ZNF878: variants seen among roughly 807,000 people sequenced by gnomAD.
The protein encoded by ZNF878 is zinc finger protein 878.
Under a neutral mutation model 11.1 loss-of-function variants are expected in ZNF878, and 10 were observed. The ratio of observed to expected loss-of-function variants is 0.90; its 90% CI spans 0.56 to 1.53. The LOEUF (loss-of-function observed/expected upper bound fraction) is 1.53, where lower values mean the gene tolerates loss of function less well. Among genes scored for constraint, ZNF878 ranks in the 40% most tolerant of loss-of-function variants. ZNF878 has a pLI of 0.00. For missense variants in ZNF878, 548 were observed against 626.1 expected (o/e 0.88, Z 1.33); for synonymous variants, 165 against 209.7 (o/e 0.79, Z 1.84).
intron 3 of ZNF878, 27 bp from the exon 4 acceptor site, chr19:12,045,236 T>G: frequency 2.0e-6 from 3 of 1,524,844 alleles, no homozygotes; most frequent in Non-Finnish European, 2.7e-6. Flanking sequence ...CACATTATAA[T>G]GGGTTTATCA....
At chr19:12,046,307 CT>C in intron 3 of ZNF878, 60 bp downstream of exon 3, 2 of 1,264,000 alleles carry the variant, frequency 1.6e-6, no homozygotes, top group Non-Finnish European at 2.2e-6. Flanking sequence ...TCTTTTTAAC[CT>C]TTTCTTCCAT....
chr19:12,052,828 C>T lies in ZNF878; in HGVS notation c.-27G>A, dbSNP rs1246928993. ...TCCTGGCTTCCAGGTATTCTGGCGT[C>T]CTCTCTAAAGGTCCCGTGAACAGTG... On this transcript the variant is annotated 5_prime_UTR_variant, in exon 1 of 4. Transcript: ENST00000547628. The T allele has an allele frequency of 6.5e-7, 1 of 1,535,978 alleles. No homozygotes were observed. Among genetic ancestry groups the T allele is most frequent in the Non-Finnish European group, 8.7e-7 (1 of 1,146,740 alleles).
At chr19:12,051,888 A>G (rs1002497854) in intron 1 of ZNF878, among the ~76,000 whole-genome samples, 3 of 152,164 alleles carry the variant, frequency 2.0e-5, no homozygotes, top group African/African-American at 7.2e-5. Flanking sequence ...GCCTGGGGCG[A>G]CGGAGCGAGA....
chr19:12,044,499 T>C lies in ZNF878; in HGVS notation c.902A>G (p.His301Arg), dbSNP rs1425677883. Residue 301 changes from histidine (H) to arginine (R), a missense_variant, in exon 4 of 4, where the codon CAT becomes CGT. His to Arg is a conservative substitution (Grantham distance 29, BLOSUM62 0). Around this residue, in one of 3 missense-constraint regions of ZNF878, gnomAD observed 335 missense variants for 358.2 expected, o/e 0.94. Transcript: ENST00000547628. ...AFRSVKYLRV[H>R]ERKHTGEKPY... ...TTTCTCTCCAGTGTGTTTTCTTTCATGTACTCGCAGGTACTTGACAGATCT... is the reference window on the plus strand; with the variant it reads ...TTTCTCTCCAGTGTGTTTTCTTTCACGTACTCGCAGGTACTTGACAGATCT... The C allele has an allele frequency of 6.2e-7, 1 of 1,613,820 alleles. No individual in the cohort carries two copies. Among genetic ancestry groups the C allele is most frequent in the African/African-American group, 1.3e-5 (1 of 74,868 alleles).
chr19:12,049,442 C>T (rs1396602367), intron 1 of ZNF878, among the ~76,000 whole-genome samples: 4 of 115,572 alleles, frequency 3.5e-5, no homozygotes, highest in East Asian at 2.4e-4. Context: ...GCCTGAGCGA[C>T]AGAGCGAGAC....
chr19:12,047,599 T>C (rs1374550505), intron 1 of ZNF878, among the ~76,000 whole-genome samples: 1 of 149,538 alleles, frequency 6.7e-6, no homozygotes, highest in Non-Finnish European at 1.5e-5. Context: ...GATAAGAGAG[T>C]CATAACTAAC....
chr19:12,052,715 G>C, intron 1 of ZNF878, 84 bp downstream of exon 1: 1 of 1,511,524 alleles, frequency 6.6e-7, no homozygotes, highest in Non-Finnish European at 8.9e-7. Flanking sequence ...CTGCAGGGGG[G>C]CCCGGGCCCC....
At chr19:12,052,438 CCCCACAG>C (rs1274082092) in intron 1 of ZNF878, among the ~76,000 whole-genome samples, 1 of 152,204 alleles carries the variant, frequency 6.6e-6, no homozygotes, top group Admixed American at 6.5e-5. Context: ...GAACTGGGGA[CCCCACAG>C]CCCACAGCTC....
chr19:12,048,319 C>T (rs1366206199), intron 1 of ZNF878, among the ~76,000 whole-genome samples: 1 of 149,660 alleles, frequency 6.7e-6, no homozygotes, highest in African/African-American at 2.5e-5. Flanking sequence ...GAGATTGAGA[C>T]CATCCTGGCT....
At chr19:12,047,784 C>A (rs1975509312) in intron 1 of ZNF878, among the ~76,000 whole-genome samples, 1 of 152,044 alleles carries the variant, frequency 6.6e-6, no homozygotes. Flanking sequence ...ATGATGAAAC[C>A]CTGTCTCTAC....
intron 1 of ZNF878, among the ~76,000 whole-genome samples, chr19:12,051,095 C>CAAA (rs370628123): frequency 5.4e-5 from 2 of 37,166 alleles, no homozygotes; most frequent in African/African-American, 1.0e-4. Flanking sequence ...GACTCCGTCT[C>CAAA]AAAAAAAAAA....
chr19:12,052,745 G>C (rs1975563659), intron 1 of ZNF878, 54 bp downstream of exon 1: 1 of 1,533,458 alleles, frequency 6.5e-7, no homozygotes, highest in African/African-American at 1.4e-5. Context: ...GGTTCCTCTC[G>C]GTTCCACCCA....
rs574738413 is a variant in ZNF878, at chr19:12,044,021, G to T, written c.1380C>A (p.Phe460Leu). ...PYECKQCGKA[F>L]ISSNSIRYHK... ...GATAGCGAATAGAATTAGAAGAAAT[G>T]AAGGCTTTTCCACATTGCTTACACT... is the stretch of plus-strand genomic sequence containing the variant. Residue 460 changes from phenylalanine to leucine, a missense_variant, in exon 4 of 4, where the codon TTC (phenylalanine) becomes TTA (leucine). Phe to Leu is a conservative substitution (Grantham distance 22). Around this residue, in one of 3 missense-constraint regions of ZNF878, gnomAD observed 335 missense variants for 358.2 expected, o/e 0.94. Coordinates refer to ENST00000547628, the MANE Select transcript of ZNF878 (RefSeq NM_001080404.3). 157 of 1,610,442 alleles carry T rather than the reference G, an allele frequency of 9.7e-5. No homozygotes were observed. The South Asian group carries it at 1.7e-3, about 17-fold the overall frequency.
intron 1 of ZNF878, among the ~76,000 whole-genome samples, chr19:12,047,239 G>A (rs774426290): frequency 4.3e-4 from 65 of 152,118 alleles, no homozygotes; most frequent in Non-Finnish European, 8.2e-4. Flanking sequence ...AAAAAACTGG[G>A]TTTGGCAAGG....
rs779537829 is a variant in ZNF878 at position 12,045,143 on chromosome 19, C to G, written c.258G>C (p.Gln86His). The change falls in exon 4 of 4, where the codon CAG becomes CAC. Residue 86 changes from glutamine to histidine, a missense_variant. Physicochemically the swap from Gln to His is conservative, Grantham distance 24. This residue lies in a region of ZNF878 where 160 missense variants were observed against 173.3 expected (regional missense o/e 0.92). Transcript: ENST00000547628. ...TCTTCTTCAGTGTGTCATCTGGAAC[C>G]TGTGTCAAAACTTCTCCATGCTGAT... Reference protein sequence around the residue: ...ESHQHGEVLTQVPDDTLKKKT... With the variant: ...ESHQHGEVLTHVPDDTLKKKT... The G allele has an allele frequency of 1.1e-5, 17 of 1,612,944 alleles. No individual in the cohort carries two copies. In the East Asian group the frequency reaches 3.8e-4, roughly 36 times the overall value.
rs752042236 is a variant in ZNF878 at position 12,044,411 on chromosome 19, T to C, written c.990A>G (p.Glu330=). 4 of 1,613,782 alleles carry C rather than the reference T, an allele frequency of 2.5e-6. No individual in the cohort carries two copies. In the South Asian group the frequency reaches 3.3e-5, roughly 13 times the overall value. The change falls in exon 4 of 4, where the codon GAA becomes GAG. Residue 330 remains glutamate, a synonymous_variant. Transcript: ENST00000547628. ...FISSTSFRYH[E]KTHTGEKPYE... is the part of the protein sequence containing the mutation. ...AAGGTTTCTCTCCAGTGTGAGTCTT[T>C]TCATGATAGCGAAAGGAAGTGGAAG...
rs1354508765 is a variant in ZNF878, at chr19:12,052,955, T to C, written c.-154A>G. 4.5e-6 allele frequency: 6 copies of C among 1,338,564 alleles called. No homozygotes were observed. Among genetic ancestry groups the C allele is most frequent in the Non-Finnish European group, 5.1e-6 (5 of 989,432 alleles). The allele number at this position is 1,338,564 out of a possible 1,614,324, so 82.9% of individuals were successfully genotyped here. The stretch of plus-strand genomic sequence containing the variant: ...AGACCTTAACTAGCGCGAGCAGCCC[T>C]AGGAGTGAAGAGAGCGGGAATGCAA... On this transcript the variant is annotated 5_prime_UTR_variant, in exon 1 of 4. Coordinates refer to ENST00000547628, the MANE Select transcript of ZNF878 (RefSeq NM_001080404.3).
chr19:12,043,741 C>T (rs759425370), downstream of ZNF878: 423 of 1,414,090 alleles, frequency 3.0e-4, 1 homozygote, highest in African/African-American at 3.9e-4. Flanking sequence ...TGAATCCTTC[C>T]GTGCATTTGA....
chr19:12,044,482 C>T lies in ZNF878; in HGVS notation c.919G>A (p.Gly307Arg). 1.2e-6 allele frequency: 2 copies of T among 1,613,892 alleles called. No individual in the cohort carries two copies. The highest frequency in any genetic ancestry group is 1.7e-6 in the Non-Finnish European group (2 of 1,179,952). The change falls in exon 4 of 4, where the codon GGA becomes AGA. Residue 307 changes from glycine (G) to arginine (R), a missense_variant. Coordinates refer to ENST00000547628, the MANE Select transcript of ZNF878 (RefSeq NM_001080404.3). The stretch of plus-strand genomic sequence containing the variant: ...AGCTTACACTCATAGGGTTTCTCTC[C>T]AGTGTGTTTTCTTTCATGTACTCGC... Reference protein sequence around the residue: ...YLRVHERKHTGEKPYECKLCG... With the variant: ...YLRVHERKHTREKPYECKLCG...
Sources: gnomAD v4.1 joint callset for allele counts (sites outside exome capture counted in the v4.1 genomes callset) on GRCh38, gnomAD v4.1.1 for gene constraint, gnomAD v4.1.1 regional missense constraint, MANE v1.5 for transcripts, NCBI Gene and HGNC (gene_info 2026-07-23, HGNC 2026-07-21) for gene names.